Variants in LHX9 observed in about 807,000 individuals in gnomAD.
LHX9 encodes the protein LIM homeobox 9.
LHX9 carries 9 observed loss-of-function variants against 36.5 expected under a neutral mutation model. The ratio of observed to expected loss-of-function variants is 0.25; its 90% CI spans 0.15 to 0.43. LHX9 has a LOEUF of 0.43. LHX9 is among the 20% of genes least tolerant of loss of function. The probability of loss-of-function intolerance (pLI) is 1.00; values close to 1 mark genes in which losing one functional copy is unlikely to be tolerated. For synonymous variants in LHX9, 211 were observed against 212.1 expected (o/e 0.99, Z 0.04); for missense variants, 464 against 526.4 (o/e 0.88, Z 1.16).
Position 197,917,808 on chromosome 1 carries a change from C to T in LHX9, c.-16C>T, listed in dbSNP as rs1211223999. 2 of 1,613,986 alleles carry T rather than the reference C, an allele frequency of 1.2e-6. No individual in the cohort carries two copies. Among genetic ancestry groups the T allele is most frequent in the Non-Finnish European group, 1.7e-6 (2 of 1,179,962 alleles). ...CTCCTTCACTCGGATGAGCTGAAAG[C>T]CCCGGGCGTGTGTATATGGAAATAG... On this transcript the variant is annotated 5_prime_UTR_variant, in exon 1 of 5. Transcript: ENST00000367387.
At position 197,917,735 on chromosome 1, in the gene LHX9, C is replaced by T; in HGVS notation, c.-89C>T. ...CTTTCTCTCCCTCTTTCCCTCCATC[C>T]TCGAGCGTCTCTGCGCTCCTACAGG... On this transcript the variant is annotated 5_prime_UTR_variant, in exon 1 of 5. Coordinates refer to ENST00000367387, the MANE Select transcript of LHX9 (RefSeq NM_020204.3). 2 of 1,599,608 alleles carry T rather than the reference C, an allele frequency of 1.3e-6. No homozygotes were observed. The highest frequency in any genetic ancestry group is 1.7e-6 in the Non-Finnish European group (2 of 1,175,480).
intron 3 of LHX9, among the ~76,000 whole-genome samples, chr1:197,927,252 G>A (rs187575459): frequency 1.2e-3 from 185 of 152,260 alleles, no homozygotes; most frequent in African/African-American, 4.3e-3. Context: ...TATTAGAAAA[G>A]GGTTTCTTCT....
Position 197,917,851 on chromosome 1 carries a change from G to C in LHX9, c.28G>C (p.Asp10His), listed in dbSNP as rs765996199. Reference sequence around the variant, plus strand: ...GGAAATAGTGGGGTGCCGAGCAGAAGACAACTCGTGTCCTTTCCGCCCCCC... The same window carrying C: ...GGAAATAGTGGGGTGCCGAGCAGAACACAACTCGTGTCCTTTCCGCCCCCC... MEIVGCRAE[D>H]NSCPFRPPAM... The change falls in exon 1 of 5, where the codon GAC becomes CAC. Residue 10 changes from aspartate to histidine, a missense_variant. By Grantham distance (81) the Asp-to-His change is moderately conservative. Coordinates refer to ENST00000367387, the MANE Select transcript of LHX9 (RefSeq NM_020204.3). 1 of 1,614,234 alleles carries C rather than the reference G, an allele frequency of 6.2e-7. No homozygotes were observed. The highest frequency in any genetic ancestry group is 1.1e-5 in the South Asian group (1 of 91,088).
Position 197,929,881 on chromosome 1 carries a change from C to T in LHX9, c.*622C>T, listed in dbSNP as rs1323064143. 6.2e-6 allele frequency: 6 copies of T among 963,408 alleles called. No individual in the cohort carries two copies. Among genetic ancestry groups the T allele is most frequent in the Non-Finnish European group, 6.2e-6 (5 of 809,858 alleles). The allele number at this position is 963,408 out of a possible 1,614,324, so 59.7% of individuals were successfully genotyped here. On this transcript the variant is annotated 3_prime_UTR_variant, in exon 5 of 5. Transcript: ENST00000367387. ...GATTAATTAGGTGAGAAATCTATTA[C>T]AGGAATGTGACTTTTCCTTCTCTTA...
chr1:197,926,167 A>G (rs752157027), intron 3 of LHX9, among the ~76,000 whole-genome samples: 20 of 152,216 alleles, frequency 1.3e-4, no homozygotes, highest in Non-Finnish European at 2.4e-4. Context: ...TTTGCTGAAT[A>G]TTTTTTAAAA....
In LHX9 at chr1:197,929,910, G is replaced by C. The variant is rs1490323509; in HGVS notation, c.*651G>C. 1.0e-5 allele frequency: 10 copies of C among 971,210 alleles called. No individual in the cohort carries two copies. In the African/African-American group the frequency reaches 1.8e-4, roughly 17 times the overall value. 60.2% of individuals were successfully genotyped at this position (971,210 alleles called of 1,614,324 possible). A position where few individuals can be genotyped will look rare whatever the true frequency, so the allele number is the denominator to read the frequency against. ...AATGTGACTTTTCCTTCTCTTAGGG[G>C]TGTACAACTCTAAAAACTTTTTACT... On this transcript the variant is annotated 3_prime_UTR_variant, in exon 5 of 5. Transcript: ENST00000367387.
chr1:197,921,577 C>G lies in LHX9; in HGVS notation c.651C>G (p.Asn217Lys), dbSNP rs576950776. ...GCGGCCTGGCCCTGCCTTACTTCAA[C>G]GGTACGGGCACCGTGCAGAAAGGGC... ...KSGGLALPYF[N>K]GTGTVQKGRP... is the part of the protein sequence containing the mutation. Residue 217 changes from asparagine (N) to lysine (K), a missense_variant, in exon 3 of 5, where the codon AAC (asparagine) becomes AAG (lysine). By Grantham distance (94) the Asn-to-Lys change is moderately conservative. Around this residue, in one of 5 missense-constraint regions of LHX9, gnomAD observed 130 missense variants for 109.6 expected, o/e 1.19. Coordinates refer to ENST00000367387, the MANE Select transcript of LHX9 (RefSeq NM_020204.3). The surrounding 1 kb of genome is among the most constrained non-coding windows in gnomAD (Gnocchi z 4.6). 1.2e-6 allele frequency: 2 copies of G among 1,612,172 alleles called. No individual in the cohort carries two copies. Among genetic ancestry groups the G allele is most frequent in the Non-Finnish European group, 8.5e-7 (1 of 1,180,000 alleles).
rs1571409222 is a variant in LHX9, at chr1:197,930,081, T to C, written c.*822T>C. The C allele has an allele frequency of 1.0e-5, 10 of 974,358 alleles. No individual in the cohort carries two copies. Among genetic ancestry groups the C allele is most frequent in the Non-Finnish European group, 1.2e-5 (10 of 819,794 alleles). The allele number at this position is 974,358 out of a possible 1,614,324, so 60.4% of individuals were successfully genotyped here. ...AACCATTCTTTCTAGTTACTTTTTT[T>C]CCCAGGGAAAATGGAAATAAGCAAA... On this transcript the variant is annotated 3_prime_UTR_variant, in exon 5 of 5. Coordinates refer to ENST00000367387, the MANE Select transcript of LHX9 (RefSeq NM_020204.3).
upstream of LHX9, chr1:197,916,124 T>C (rs1251606203): frequency 6.5e-6 from 1 of 152,826 alleles, no homozygotes; most frequent in Non-Finnish European, 1.5e-5. Context: ...TAAAGCCGCG[T>C]TGGTTCCTGC....
At chr1:197,913,590 C>CGGAA (rs1659675049), upstream of LHX9, among the ~76,000 whole-genome samples, 1 of 152,134 alleles carries the variant, frequency 6.6e-6, no homozygotes, top group South Asian at 2.1e-4. Context: ...GCTCACCTTC[C>CGGAA]ATCCAGCGCA....
upstream of LHX9, chr1:197,917,178 G>C (rs977532369): frequency 4.6e-6 from 4 of 861,526 alleles, no homozygotes; most frequent in Non-Finnish European, 5.6e-6. Flanking sequence ...CTGCCTCCCC[G>C]CTCTCTATCC....
Position 197,921,643 on chromosome 1 carries a change from C to T in LHX9, c.717C>T (p.Ile239=), listed in dbSNP as rs201684330. The change falls in exon 3 of 5, where the codon ATC becomes ATT. Residue 239 remains isoleucine (I), a synonymous_variant. Transcript: ENST00000367387. This position sits in a 1 kb window ranked among gnomAD's most constrained non-coding sequence, Gnocchi z 4.6. ...KRKSPALGVD[I]VNYNSGCNEN... ...AGAGCCCAGCGCTGGGAGTGGACAT[C>T]GTCAATTACAACTCAGGTGTGCCTC... is the stretch of plus-strand genomic sequence containing the variant. The T allele has an allele frequency of 6.3e-7, 1 of 1,588,384 alleles. No homozygotes were observed. Among genetic ancestry groups the T allele is most frequent in the South Asian group, 1.1e-5 (1 of 89,774 alleles).
In LHX9 at chr1:197,921,439, C is replaced by T. The variant is rs1052597660; in HGVS notation, c.513C>T (p.Gly171=). ...CTTGCAACAAGACTCTGACCACGGG[C>T]GACCATTTCGGCATGAAGGACAGCC... ...CSTCNKTLTT[G]DHFGMKDSLV... Residue 171 remains glycine (G), a synonymous_variant, in exon 3 of 5, where the codon GGC becomes GGT. Coordinates refer to ENST00000367387, the MANE Select transcript of LHX9 (RefSeq NM_020204.3). The surrounding 1 kb of genome is among the most constrained non-coding windows in gnomAD (Gnocchi z 4.6). The T allele has an allele frequency of 6.2e-7, 1 of 1,614,108 alleles. No homozygotes were observed. Among genetic ancestry groups the T allele is most frequent in the African/African-American group, 1.3e-5 (1 of 74,938 alleles).
chr1:197,918,452 G>A (rs1659851083), intron 1 of LHX9: 4 of 707,022 alleles, frequency 5.7e-6, no homozygotes, highest in South Asian at 4.5e-5. Flanking sequence ...CCGGACCTGT[G>A]GAGTAGATTC....
In LHX9 at chr1:197,921,243, C is replaced by A; in HGVS notation, c.378-61C>A. On this transcript the variant is annotated intron_variant, in intron 2 of 4. Coordinates refer to ENST00000367387, the MANE Select transcript of LHX9 (RefSeq NM_020204.3). This position sits in a 1 kb window ranked among gnomAD's most constrained non-coding sequence, Gnocchi z 4.6. ...CACTGCAGACCAAACCCAGGTGTCG[C>A]GGGTGGGATATGGCTCTGCCTTGCT... The A allele has an allele frequency of 1.4e-6, 2 of 1,435,878 alleles. No homozygotes were observed. The highest frequency in any genetic ancestry group is 1.3e-5 in the South Asian group (1 of 77,818). The allele number at this position is 1,435,878 out of a possible 1,614,324, so 88.9% of individuals were successfully genotyped here.
chr1:197,928,625 G>T (rs1040966682), intron 4 of LHX9, among the ~76,000 whole-genome samples: 1 of 152,236 alleles, frequency 6.6e-6, no homozygotes, highest in African/African-American at 2.4e-5. Flanking sequence ...CAATGGCCCT[G>T]CTTCTACCTC....
At chr1:197,918,986 T>G (rs1659880447) in intron 1 of LHX9, among the ~76,000 whole-genome samples, 1 of 152,188 alleles carries the variant, frequency 6.6e-6, no homozygotes, top group Non-Finnish European at 1.5e-5. Context: ...TAACACTCAT[T>G]CAGTGCCGGG....
Position 197,921,640 on chromosome 1 carries a change from C to T in LHX9, c.714C>T (p.Asp238=), listed in dbSNP as rs1163548042. The change falls in exon 3 of 5, where the codon GAC becomes GAT. Residue 238 remains aspartate (D), a synonymous_variant. Coordinates refer to ENST00000367387, the MANE Select transcript of LHX9 (RefSeq NM_020204.3). This position sits in a 1 kb window ranked among gnomAD's most constrained non-coding sequence, Gnocchi z 4.6. The part of the protein sequence containing the change: ...RKRKSPALGV[D]IVNYNSGCNE... ...GGAAGAGCCCAGCGCTGGGAGTGGA[C>T]ATCGTCAATTACAACTCAGGTGTGC... The T allele has an allele frequency of 6.3e-7, 1 of 1,590,504 alleles. No individual in the cohort carries two copies. The highest frequency in any genetic ancestry group is 8.5e-7 in the Non-Finnish European group (1 of 1,171,836).
At position 197,917,723 on chromosome 1, in the gene LHX9, T is replaced by C. The variant is rs1394947470; in HGVS notation, c.-101T>C. On this transcript the variant is annotated 5_prime_UTR_variant, in exon 1 of 5. Transcript: ENST00000367387. ...TTTCTTCTCCTCCTTTCTCTCCCTC[T>C]TTCCCTCCATCCTCGAGCGTCTCTG... The C allele has an allele frequency of 4.4e-6, 7 of 1,594,202 alleles. No individual in the cohort carries two copies. In the African/African-American group the frequency reaches 8.2e-5, roughly 19 times the overall value.
Sources: gnomAD v4.1 joint callset for allele counts (sites outside exome capture counted in the v4.1 genomes callset) on GRCh38, gnomAD v4.1.1 for gene constraint, gnomAD v4.1.1 regional missense constraint, Gnocchi (gnomAD v3.1) non-coding constraint, MANE v1.5 for transcripts, NCBI Gene and HGNC (gene_info 2026-07-23, HGNC 2026-07-21) for gene names.